The following KBTBD12 variants were observed in gnomAD, a reference collection of about 807,000 sequenced individuals.
The protein encoded by KBTBD12 is kelch repeat and BTB domain-containing protein 12.
Under a neutral mutation model 58.7 loss-of-function variants are expected in KBTBD12, and 53 were observed. The ratio of observed to expected loss-of-function variants is 0.90; its 90% CI spans 0.72 to 1.14. The LOEUF (loss-of-function observed/expected upper bound fraction) is 1.14. KBTBD12 is among the 50% of genes most tolerant of loss of function. The pLI, the probability that KBTBD12 is intolerant of heterozygous loss-of-function variation, is 0.00. For missense variants in KBTBD12, 704 were observed against 751.3 expected (o/e 0.94, Z 0.74); for synonymous variants, 236 against 259.8 (o/e 0.91, Z 0.88).
intron 5 of KBTBD12, among the ~76,000 whole-genome samples, chr3:127,966,170 G>A (rs1940563134): frequency 6.6e-6 from 1 of 152,162 alleles, no homozygotes; most frequent in African/African-American, 2.4e-5. Context: ...GAGGTCCTCA[G>A]CCTCCTTCCC....
At chr3:127,939,139 A>T (rs1576378050) in intron 4 of KBTBD12, among the ~76,000 whole-genome samples, 1 of 152,184 alleles carries the variant, frequency 6.6e-6, no homozygotes, top group East Asian at 1.9e-4. Context: ...GTACTCTTAC[A>T]TCTCAATACC....
At chr3:127,979,956 A>C (rs1476338747) in intron 5 of KBTBD12, among the ~76,000 whole-genome samples, 1 of 152,248 alleles carries the variant, frequency 6.6e-6, no homozygotes, top group Non-Finnish European at 1.5e-5. Context: ...TCAAGTGCAC[A>C]TGCATGTACT....
intron 5 of KBTBD12, among the ~76,000 whole-genome samples, chr3:127,979,789 A>C (rs192122027): frequency 1.4e-3 from 206 of 152,374 alleles, no homozygotes; most frequent in Non-Finnish European, 2.0e-3. Flanking sequence ...AGCAAACAAA[A>C]TGTAACTTCC....
At chr3:127,917,420 A>C (rs1939276368) in intron 1 of KBTBD12, among the ~76,000 whole-genome samples, 1 of 152,232 alleles carries the variant, frequency 6.6e-6, no homozygotes, top group Non-Finnish European at 1.5e-5. Flanking sequence ...GGAACCCTCC[A>C]CATGTTCAGC....
rs1331143693 is a variant in KBTBD12 at position 127,984,384 on chromosome 3, T to C, written c.*106T>C. The stretch of plus-strand genomic sequence containing the variant: ...CCAGTCATGTGCACTGCATGCGTAG[T>C]GGCCTGTGTGTGAAGAAGCAGTGTG... On this transcript the variant is annotated 3_prime_UTR_variant, in exon 6 of 6. Transcript: ENST00000405109. 2.8e-6 allele frequency: 3 copies of C among 1,057,560 alleles called. No individual in the cohort carries two copies. The highest frequency in any genetic ancestry group is 1.6e-5 in the African/African-American group (1 of 63,044). 65.5% of individuals were successfully genotyped at this position (1,057,560 alleles called of 1,614,324 possible). A position where few individuals can be genotyped will look rare whatever the true frequency, so the allele number is the denominator to read the frequency against.
At chr3:127,971,805 T>G (rs1360645938) in intron 5 of KBTBD12, among the ~76,000 whole-genome samples, 1 of 152,176 alleles carries the variant, frequency 6.6e-6, no homozygotes, top group Admixed American at 6.5e-5. Context: ...ATCATCTTCT[T>G]TGGCTAACTT....
intron 4 of KBTBD12, among the ~76,000 whole-genome samples, chr3:127,944,100 C>T (rs910083018): frequency 6.6e-6 from 1 of 152,100 alleles, no homozygotes; most frequent in Non-Finnish European, 1.5e-5. Flanking sequence ...TGTAATAGAA[C>T]TTGAAATCCG....
Position 127,963,260 on chromosome 3 carries a change from C to T in KBTBD12, c.1564C>T (p.Pro522Ser), listed in dbSNP as rs755715968. ...KCLDVVEIYN[P>S]DGDFWREGPP... The stretch of plus-strand genomic sequence containing the variant: ...CCTTGACGTGGTGGAGATCTACAAC[C>T]CAGATGGGGACTTTTGGCGAGAGGG... The change falls in exon 5 of 6, where the codon CCA (proline) becomes TCA (serine). Residue 522 changes from proline (P) to serine (S), a missense_variant. Coordinates refer to ENST00000405109, the MANE Select transcript of KBTBD12 (RefSeq NM_207335.4). The T allele has an allele frequency of 1.2e-6, 2 of 1,612,582 alleles. No homozygotes were observed. The highest frequency in any genetic ancestry group is 1.3e-5 in the African/African-American group (1 of 74,878).
At chr3:127,983,578 C>A (rs1559777878) in intron 5 of KBTBD12, among the ~76,000 whole-genome samples, 1 of 152,120 alleles carries the variant, frequency 6.6e-6, no homozygotes, top group Non-Finnish European at 1.5e-5. Context: ...CATGATGAAA[C>A]CCCGTCTCTA....
chr3:127,966,679 A>G (rs1252347264), intron 5 of KBTBD12, among the ~76,000 whole-genome samples: 1 of 151,786 alleles, frequency 6.6e-6, no homozygotes, highest in African/African-American at 2.4e-5. Context: ...AAACAGAGAA[A>G]ACAGAGGGAA....
intron 4 of KBTBD12, among the ~76,000 whole-genome samples, chr3:127,954,871 T>A (rs953424703): frequency 6.6e-6 from 1 of 152,172 alleles, no homozygotes; most frequent in Admixed American, 6.5e-5. Context: ...TAACTCAACA[T>A]CCTCAAAATC....
rs892300515 is a variant in KBTBD12, at chr3:127,984,559, G to C, written c.*281G>C. Reference sequence around the variant, plus strand: ...AGCAGCAGAGGGAGGGTCTCACTCTGCTGGGGACCCATGAACAGCACTGCC... The same window carrying C: ...AGCAGCAGAGGGAGGGTCTCACTCTCCTGGGGACCCATGAACAGCACTGCC... On this transcript the variant is annotated 3_prime_UTR_variant, in exon 6 of 6. Transcript: ENST00000405109. 3.3e-6 allele frequency: 1 copy of C among 301,334 alleles called. No individual in the cohort carries two copies. 18.7% of individuals were successfully genotyped at this position (301,334 alleles called of 1,614,324 possible).
At position 127,922,976 on chromosome 3, in the gene KBTBD12, T is replaced by C. The variant is rs1054924237; in HGVS notation, c.-86T>C. 5.4e-6 allele frequency: 4 copies of C among 744,346 alleles called. No individual in the cohort carries two copies. Among genetic ancestry groups the C allele is most frequent in the Middle Eastern group, 4.0e-4 (1 of 2,522 alleles). The allele number at this position is 744,346 out of a possible 1,614,324, so 46.1% of individuals were successfully genotyped here. On this transcript the variant is annotated 5_prime_UTR_variant, in exon 2 of 6. Coordinates refer to ENST00000405109, the MANE Select transcript of KBTBD12 (RefSeq NM_207335.4). ...AATGTTTCCTGACATCTTTGTAGCTTCATGAGTAATCAGACATGCAAATAG... is the reference window on the plus strand; with the variant it reads ...AATGTTTCCTGACATCTTTGTAGCTCCATGAGTAATCAGACATGCAAATAG...
chr3:127,953,971 G>A (rs1426289413), intron 4 of KBTBD12, among the ~76,000 whole-genome samples: 1 of 149,106 alleles, frequency 6.7e-6, no homozygotes, highest in Non-Finnish European at 1.5e-5. Flanking sequence ...TTTAAAACCA[G>A]CCAGCTTTCC....
At chr3:127,974,954 C>T (rs183448876) in intron 5 of KBTBD12, among the ~76,000 whole-genome samples, 163 of 152,334 alleles carry the variant, frequency 1.1e-3, no homozygotes, top group Admixed American at 2.1e-3. Flanking sequence ...GCCTGGGTGA[C>T]AGAGCGAGAC....
chr3:127,932,100 G>A (rs1939717490), intron 4 of KBTBD12, among the ~76,000 whole-genome samples: 1 of 152,134 alleles, frequency 6.6e-6, no homozygotes, highest in Admixed American at 6.6e-5. Context: ...GAAACTGGAA[G>A]TGGAGAGACT....
intron 4 of KBTBD12, 56 bp downstream of exon 4, chr3:127,930,339 G>T: frequency 1.3e-6 from 2 of 1,531,776 alleles, no homozygotes; most frequent in Non-Finnish European, 8.9e-7. Flanking sequence ...TCAGCAGTTT[G>T]CCTCAGCAAA....
chr3:127,964,328 T>C (rs1303835555), intron 5 of KBTBD12, among the ~76,000 whole-genome samples: 1 of 151,962 alleles, frequency 6.6e-6, no homozygotes, highest in Non-Finnish European at 1.5e-5. Context: ...TTTAAGCACA[T>C]GATATGTTAA....
chr3:127,969,332 C>T (rs1940642413), intron 5 of KBTBD12, among the ~76,000 whole-genome samples: 1 of 151,798 alleles, frequency 6.6e-6, no homozygotes, highest in Non-Finnish European at 1.5e-5. Flanking sequence ...ACAATATCAT[C>T]AAAAAGAATA....
Sources: allele counts gnomAD v4.1 joint callset (sites outside exome capture counted in the v4.1 genomes callset), GRCh38; gene constraint gnomAD v4.1.1; transcripts MANE v1.5; gene names NCBI Gene and HGNC (gene_info 2026-07-23, HGNC 2026-07-21).